Variants in ELOVL6 observed in about 807,000 individuals in gnomAD.
ELOVL6 encodes the protein ELOVL fatty acid elongase 6.
ELOVL6 carries 8 observed loss-of-function variants against 31.7 expected under a neutral mutation model. The ratio of observed to expected loss-of-function variants is 0.25; its 90% confidence interval spans 0.15 to 0.45. The LOEUF (loss-of-function observed/expected upper bound fraction) is 0.45. ELOVL6 is among the 20% of genes least tolerant of loss of function. The probability of loss-of-function intolerance (pLI) is 1.00; values close to 1 mark genes in which losing one functional copy is unlikely to be tolerated. For synonymous variants in ELOVL6, 101 were observed against 117.7 expected (o/e 0.86, Z 0.92); for missense variants, 126 against 326.4 (o/e 0.39, Z 4.73).
intron 2 of ELOVL6, among the ~76,000 whole-genome samples, chr4:110,080,918 A>C (rs1250553770): frequency 2.0e-5 from 3 of 152,190 alleles, no homozygotes; most frequent in Non-Finnish European, 2.9e-5. Context: ...ATCAATGTGC[A>C]AAAATCACAG....
intron 2 of ELOVL6, among the ~76,000 whole-genome samples, chr4:110,084,092 A>G (rs13119498): frequency 2.8e-5 from 2 of 72,714 alleles, no homozygotes; most frequent in Non-Finnish European, 6.0e-5. Flanking sequence ...ATGATATATA[A>G]CATATATATG....
At chr4:110,139,514 C>G (rs1214807566) in intron 1 of ELOVL6, among the ~76,000 whole-genome samples, 1 of 152,100 alleles carries the variant, frequency 6.6e-6, no homozygotes, top group East Asian at 1.9e-4. Context: ...CAAAAAATTC[C>G]TCTTGTTCTG....
At chr4:110,066,489 A>C (rs912663394) in intron 2 of ELOVL6, among the ~76,000 whole-genome samples, 6 of 151,782 alleles carry the variant, frequency 4.0e-5, no homozygotes, top group Non-Finnish European at 7.4e-5. Context: ...ACAAAAAAAA[A>C]TTAGCCGGGC....
chr4:110,173,179 TTG>T (rs1352994912), intron 1 of ELOVL6, among the ~76,000 whole-genome samples: 5 of 152,160 alleles, frequency 3.3e-5, no homozygotes, highest in African/African-American at 1.2e-4. Flanking sequence ...GAACAAATTA[TTG>T]GGTGTGACTT....
intron 2 of ELOVL6, among the ~76,000 whole-genome samples, chr4:110,083,814 A>G (rs1467697555): frequency 6.7e-6 from 1 of 150,108 alleles, no homozygotes; most frequent in Non-Finnish European, 1.5e-5. Context: ...AGAGAAGCAG[A>G]CAAACATAGG....
intron 2 of ELOVL6, among the ~76,000 whole-genome samples, chr4:110,065,693 C>T (rs150000343): frequency 6.6e-6 from 1 of 152,150 alleles, no homozygotes; most frequent in Non-Finnish European, 1.5e-5. Context: ...CATTTACCTA[C>T]TTGGAAAAAG....
chr4:110,061,446 T>A (rs1755134754), intron 2 of ELOVL6, among the ~76,000 whole-genome samples: 2 of 152,060 alleles, frequency 1.3e-5, no homozygotes, highest in Non-Finnish European at 2.9e-5. Flanking sequence ...CTGTCCTAAT[T>A]TGGGGATGAA....
In ELOVL6 at chr4:110,050,885, G is replaced by A. The variant is rs181660628; in HGVS notation, c.*453C>T. ...TCTTTCATTTTTGTCTTTTCTATTG[G>A]CTCCAGTTTAGTGTCCATAAAGTTA... On this transcript the variant is annotated 3_prime_UTR_variant, in exon 4 of 4. Transcript: ENST00000302274. 6.8e-5 allele frequency: 11 copies of A among 162,262 alleles called. No homozygotes were observed. The East Asian group carries it at 1.4e-3, about 21-fold the overall frequency. The allele number at this position is 162,262 out of a possible 1,614,324, so 10.1% of individuals were successfully genotyped here.
chr4:110,137,152 TAGAA>T (rs1757834651), intron 1 of ELOVL6, among the ~76,000 whole-genome samples: 1 of 152,164 alleles, frequency 6.6e-6, no homozygotes, highest in African/African-American at 2.4e-5. Flanking sequence ...ATTAGAAACT[TAGAA>T]AGCTTTAAAT....
chr4:110,073,555 C>T (rs1755549543), intron 2 of ELOVL6, among the ~76,000 whole-genome samples: 1 of 152,210 alleles, frequency 6.6e-6, no homozygotes, highest in Non-Finnish European at 1.5e-5. Context: ...TCTTGCTTCA[C>T]AGATTCCCAG....
chr4:110,172,044 T>C (rs1299187873), intron 1 of ELOVL6, among the ~76,000 whole-genome samples: 1 of 152,116 alleles, frequency 6.6e-6, no homozygotes, highest in African/African-American at 2.4e-5. Flanking sequence ...TCTCTGAGCC[T>C]GTCTAGCAAA....
chr4:110,074,832 C>T (rs1021256267), intron 2 of ELOVL6, among the ~76,000 whole-genome samples: 4 of 152,138 alleles, frequency 2.6e-5, no homozygotes, highest in Non-Finnish European at 4.4e-5. Context: ...CTCTCCTTCC[C>T]GTAACTGGCC....
At chr4:110,198,644 A>C, upstream of ELOVL6, 1 of 280,208 alleles carries the variant, frequency 3.6e-6, no homozygotes, top group Non-Finnish European at 6.7e-6. Flanking sequence ...CACCCTTTTT[A>C]CTCGTCTACA....
rs189584452 is a variant in ELOVL6 at position 110,170,902 on chromosome 4, T to G, written c.89+27345A>C. Among the ~76,000 whole-genome samples the G allele has an allele frequency of 1.2e-3, 179 of 152,260 alleles. 2 individuals are homozygous for G. Among genetic ancestry groups the G allele is most frequent in the African/African-American group, 4.0e-3 (165 of 41,546 alleles). Reference sequence around the variant, plus strand: ...GGCACTTTAGGCCCAGAAAAAGGCCTCAAAAAATGGAATCTCTCTCTCTCT... The same window carrying G: ...GGCACTTTAGGCCCAGAAAAAGGCCGCAAAAAATGGAATCTCTCTCTCTCT... On this transcript the variant is annotated intron_variant, in intron 1 of 3. Transcript: ENST00000302274.
chr4:110,144,230 C>A (rs557432861), intron 1 of ELOVL6, among the ~76,000 whole-genome samples: 11 of 152,218 alleles, frequency 7.2e-5, no homozygotes, highest in African/African-American at 2.6e-4. Context: ...CTGAAATAAT[C>A]CACAAAACTA....
At chr4:110,064,317 A>C (rs1211431111) in intron 2 of ELOVL6, among the ~76,000 whole-genome samples, 1 of 151,854 alleles carries the variant, frequency 6.6e-6, no homozygotes, top group East Asian at 1.9e-4. Context: ...CTAATCCACA[A>C]GGAGCCTGTT....
chr4:110,148,500 G>A (rs929322347), intron 1 of ELOVL6, among the ~76,000 whole-genome samples: 1 of 150,866 alleles, frequency 6.6e-6, no homozygotes, highest in Non-Finnish European at 1.5e-5. Flanking sequence ...TGCGGGGGAG[G>A]GGGGGAGGTA....
In ELOVL6 at chr4:110,120,738, A is replaced by G. The variant is rs558914502; in HGVS notation, c.90-15110T>C. Among the ~76,000 whole-genome samples the G allele has an allele frequency of 4.0e-5, 6 of 149,632 alleles. 1 individual carries two copies. The East Asian group carries it at 1.2e-3, about 29-fold the overall frequency. On this transcript the variant is annotated intron_variant, in intron 1 of 3. Transcript: ENST00000302274. Reference sequence around the variant, plus strand: ...ACCAGGAATGTTACACTTCTCAACCACTACATTGTATACCAGGAATGTTAC... The same window carrying G: ...ACCAGGAATGTTACACTTCTCAACCGCTACATTGTATACCAGGAATGTTAC...
At chr4:110,066,347 G>A (rs1755299058) in intron 2 of ELOVL6, among the ~76,000 whole-genome samples, 1 of 151,966 alleles carries the variant, frequency 6.6e-6, no homozygotes, top group Non-Finnish European at 1.5e-5. Context: ...CAGAATTATG[G>A]CATCTCAGGC....
Sources: gnomAD v4.1 joint callset for allele counts (sites outside exome capture counted in the v4.1 genomes callset) on GRCh38, gnomAD v4.1.1 for gene constraint, MANE v1.5 for transcripts, NCBI Gene and HGNC (gene_info 2026-07-23, HGNC 2026-07-21) for gene names.